The following PPP6C variants were observed in gnomAD, a reference collection of about 807,000 sequenced individuals.
The protein encoded by PPP6C is serine/threonine-protein phosphatase 6 catalytic subunit.
In PPP6C, 11 loss-of-function variants were observed where a neutral mutation model predicts 39.8. The ratio of observed to expected loss-of-function variants is 0.28; its 90% CI spans 0.17 to 0.46. The LOEUF (loss-of-function observed/expected upper bound fraction) is 0.46, where lower values mean the gene tolerates loss of function less well. PPP6C is among the 20% of genes least tolerant of loss of function. The pLI is 1.00. For synonymous variants in PPP6C, 129 were observed against 130.3 expected (o/e 0.99, Z 0.07); for missense variants, 211 against 373.9 (o/e 0.56, Z 3.59).
At chr9:125,163,833 A>C (rs1222930201) in intron 2 of PPP6C, among the ~76,000 whole-genome samples, 2 of 151,070 alleles carry the variant, frequency 1.3e-5, no homozygotes, top group African/African-American at 4.9e-5. Flanking sequence ...CCATTTCCCG[A>C]GAACTTGGGC....
chr9:125,148,798 TAAACCAAAAC>T lies in PPP6C; in HGVS notation c.*865_*874del. The T allele has an allele frequency of 6.6e-6, 1 of 152,200 alleles. No homozygotes were observed. The highest frequency in any genetic ancestry group is 2.4e-5 in the African/African-American group (1 of 41,454). 9.4% of individuals were successfully genotyped at this position (152,200 alleles called of 1,614,324 possible). A position where few individuals can be genotyped will look rare whatever the true frequency, so the allele number is the denominator to read the frequency against. On this transcript the variant is annotated 3_prime_UTR_variant, in exon 7 of 7. Coordinates refer to ENST00000373547, the MANE Select transcript of PPP6C (RefSeq NM_002721.5). ...TGTTTTTCTATTACTATAGAGGATA[TAAACCAAAAC>T]ATTAATATGGCAGTTATGTTCTTTA...
intron 6 of PPP6C, among the ~76,000 whole-genome samples, chr9:125,152,779 G>A (rs573032421): frequency 3.2e-4 from 48 of 151,736 alleles, no homozygotes; most frequent in African/African-American, 1.0e-3. Context: ...GCAGTGAGCC[G>A]AGATTGCACC....
chr9:125,186,182 G>T (rs981850810), intron 1 of PPP6C, among the ~76,000 whole-genome samples: 1 of 151,988 alleles, frequency 6.6e-6, no homozygotes, highest in Non-Finnish European at 1.5e-5. Flanking sequence ...TGGCCTCAAT[G>T]ATTACTTTTC....
intron 1 of PPP6C, among the ~76,000 whole-genome samples, chr9:125,172,716 CACAA>C (rs1028825340): frequency 7.6e-5 from 5 of 66,104 alleles, no homozygotes; most frequent in Admixed American, 2.2e-4. Context: ...ACTGAATACA[CACAA>C]ACACACACAC....
rs150894198 is a variant in PPP6C, at chr9:125,179,125, G to A, written c.76-7945C>T. On this transcript the variant is annotated intron_variant, in intron 1 of 6. Coordinates refer to ENST00000373547, the MANE Select transcript of PPP6C (RefSeq NM_002721.5). ...AGCTACTCGAAAGGCAGAGGCAGGAGAATTGCTTGAATGCGGGAGGCAGAG... is the reference window on the plus strand; with the variant it reads ...AGCTACTCGAAAGGCAGAGGCAGGAAAATTGCTTGAATGCGGGAGGCAGAG... 8.1e-3 allele frequency among the ~76,000 whole-genome samples: 1,218 copies of A among 151,110 alleles called. 21 individuals carry two copies. The highest frequency in any genetic ancestry group is 0.028 in the African/African-American group (1,142 of 41,006).
At position 125,189,646 on chromosome 9, in the gene PPP6C, T is replaced by G. The variant is rs1372559461; in HGVS notation, c.73A>C (p.Lys25Gln). The G allele has an allele frequency of 4.3e-6, 7 of 1,613,024 alleles. No homozygotes were observed. The highest frequency in any genetic ancestry group is 5.9e-6 in the Non-Finnish European group (7 of 1,179,642). ...LCKYLPENDL[K>Q]RLCDYVCDLL... is the part of the protein sequence containing the mutation. ...GCGAGCCCGCAAATAGGGCTCACCT[T>G]CAGGTCGTTCTCTGGCAGGTACTTG... The change falls in exon 1 of 7, where the codon AAG becomes CAG. Residue 25 changes from lysine to glutamine, a missense_variant and splice_region_variant. Around this residue, in one of 2 missense-constraint regions of PPP6C, gnomAD observed 43 missense variants for 31.3 expected, o/e 1.38. Coordinates refer to ENST00000373547, the MANE Select transcript of PPP6C (RefSeq NM_002721.5).
In PPP6C at chr9:125,167,837, G is replaced by T. The variant is rs1024996120; in HGVS notation, c.171+3248C>A. Among the ~76,000 whole-genome samples the T allele has an allele frequency of 4.5e-5, 6 of 132,372 alleles. No individual in the cohort carries two copies. The East Asian group carries it at 1.2e-3, about 27-fold the overall frequency. 86.8% of individuals were successfully genotyped at this position (132,372 alleles called of 152,430 possible). On this transcript the variant is annotated intron_variant, in intron 2 of 6. Transcript: ENST00000373547. Reference sequence around the variant, plus strand: ...AGGTCAGGAGTTTGAGATGGGGGGGGGGGGGGGGGGTATCATTTGGTTGCC... The same window carrying T: ...AGGTCAGGAGTTTGAGATGGGGGGGTGGGGGGGGGGTATCATTTGGTTGCC...
chr9:125,179,342 A>C (rs557908833), intron 1 of PPP6C, among the ~76,000 whole-genome samples: 1 of 152,316 alleles, frequency 6.6e-6, no homozygotes, highest in East Asian at 1.9e-4. Flanking sequence ...ACAAAGCAAA[A>C]GCTTTTAATT....
chr9:125,162,661 T>C (rs889133294), intron 2 of PPP6C, among the ~76,000 whole-genome samples: 4 of 141,718 alleles, frequency 2.8e-5, no homozygotes, highest in Admixed American at 2.2e-4. Context: ...AATCAATCCC[T>C]GCTACTCGGG....
intron 6 of PPP6C, chr9:125,150,816 C>T (rs1835918119): frequency 1.3e-6 from 1 of 748,900 alleles, no homozygotes; most frequent in Non-Finnish European, 2.5e-6. Context: ...CTACATCATT[C>T]AGAGTGGTTG....
chr9:125,151,963 G>C (rs1409264143), intron 6 of PPP6C, among the ~76,000 whole-genome samples: 2 of 152,172 alleles, frequency 1.3e-5, no homozygotes, highest in Non-Finnish European at 2.9e-5. Flanking sequence ...AGAACAACCA[G>C]CAGCAAAGCC....
At chr9:125,178,555 G>A (rs1829355197) in intron 1 of PPP6C, among the ~76,000 whole-genome samples, 1 of 152,124 alleles carries the variant, frequency 6.6e-6, no homozygotes, top group African/African-American at 2.4e-5. Context: ...AGGCTACAGT[G>A]AGGAAATCTT....
intron 2 of PPP6C, among the ~76,000 whole-genome samples, chr9:125,164,983 C>T (rs1828980975): frequency 1.3e-5 from 2 of 152,214 alleles, no homozygotes; most frequent in South Asian, 2.1e-4. Flanking sequence ...GTGATCCGCC[C>T]GCCTCGGCCT....
At chr9:125,173,001 G>A (rs1221074482) in intron 1 of PPP6C, among the ~76,000 whole-genome samples, 1 of 152,304 alleles carries the variant, frequency 6.6e-6, no homozygotes, top group Non-Finnish European at 1.5e-5. Flanking sequence ...AGCCAGCTGG[G>A]CACGGCGGCT....
chr9:125,157,684 C>CT (rs1431244218), intron 4 of PPP6C, among the ~76,000 whole-genome samples: 71 of 108,910 alleles, frequency 6.5e-4, no homozygotes, highest in East Asian at 1.5e-3. Flanking sequence ...CAGCATTCTC[C>CT]TTTTTTTTTT....
chr9:125,187,253 T>C (rs1829550098), intron 1 of PPP6C, among the ~76,000 whole-genome samples: 3 of 151,742 alleles, frequency 2.0e-5, no homozygotes, highest in East Asian at 3.9e-4. Context: ...GGCCAGATTA[T>C]CTTTCAAATC....
chr9:125,163,897 G>A (rs1828951253), intron 2 of PPP6C, among the ~76,000 whole-genome samples: 1 of 147,400 alleles, frequency 6.8e-6, no homozygotes, highest in Non-Finnish European at 1.5e-5. Flanking sequence ...GTCCAGGCTG[G>A]AGTGCAATGG....
At chr9:125,178,327 T>G (rs1829347336) in intron 1 of PPP6C, among the ~76,000 whole-genome samples, 1 of 152,220 alleles carries the variant, frequency 6.6e-6, no homozygotes, top group African/African-American at 2.4e-5. Flanking sequence ...CTGTTGGTGT[T>G]CTGGATTTTG....
intron 2 of PPP6C, among the ~76,000 whole-genome samples, chr9:125,162,131 T>C (rs1157125087): frequency 1.3e-5 from 2 of 151,180 alleles, no homozygotes; most frequent in Admixed American, 6.6e-5. Flanking sequence ...ATATAAAATG[T>C]ATCTGAAAAT....
Sources: gnomAD v4.1 joint callset for allele counts (sites outside exome capture counted in the v4.1 genomes callset) on GRCh38, gnomAD v4.1.1 for gene constraint, gnomAD v4.1.1 regional missense constraint, MANE v1.5 for transcripts, NCBI Gene and HGNC (gene_info 2026-07-23, HGNC 2026-07-21) for gene names.